Variants in ASPM observed in about 807,000 individuals in gnomAD.
The protein encoded by ASPM is assembly factor for spindle microtubules.
In ASPM, 256 loss-of-function variants were observed where a neutral mutation model predicts 366.4. The ratio of observed to expected loss-of-function variants is 0.70; its 90% CI spans 0.63 to 0.77. The LOEUF (loss-of-function observed/expected upper bound fraction) is 0.77. ASPM is among the 30% of genes least tolerant of loss of function. The probability of loss-of-function intolerance (pLI) is 0.00; values close to 1 mark genes in which losing one functional copy is unlikely to be tolerated. For missense variants in ASPM, 4,146 were observed against 4,090.4 expected, an observed-to-expected ratio of 1.01 and a Z score of -0.37; for synonymous variants, 1,414 against 1,342.9, an observed-to-expected ratio of 1.05 and a Z score of -1.16.
At chr1:197,117,519 A>G (rs1657771693) in intron 17 of ASPM, among the ~76,000 whole-genome samples, 1 of 152,168 alleles carries the variant, frequency 6.6e-6, no homozygotes. Flanking sequence ...GTAGGCCAGC[A>G]TGTCCCACAG....
intron 10 of ASPM, among the ~76,000 whole-genome samples, chr1:197,126,212 G>C (rs191113183): frequency 5.3e-5 from 8 of 152,046 alleles, no homozygotes; most frequent in African/African-American, 1.7e-4. Context: ...AGGCTGAGGT[G>C]GGTGGATCAC....
At chr1:197,114,588 T>A (rs568114080) in intron 17 of ASPM, among the ~76,000 whole-genome samples, 4 of 152,238 alleles carry the variant, frequency 2.6e-5, no homozygotes, top group South Asian at 2.1e-4. Flanking sequence ...CATTTTTTTT[T>A]AAACAGTTAG....
At position 197,128,486 on chromosome 1, in the gene ASPM, G is replaced by A. The variant is rs761883821; in HGVS notation, c.2936+4C>T. 1.2e-5 allele frequency: 19 copies of A among 1,608,228 alleles called. No individual in the cohort carries two copies. The highest frequency in any genetic ancestry group is 2.2e-5 in the South Asian group (2 of 90,952). On this transcript the variant is annotated splice_donor_region_variant and intron_variant, in intron 10 of 27. Coordinates refer to ENST00000367409, the MANE Select transcript of ASPM (RefSeq NM_018136.5). Reference sequence around the variant, plus strand: ...AGCAAAATAATTCTATTTCTTATACGTACACAAGGCGCACTCCACATTGCA... The same window carrying A: ...AGCAAAATAATTCTATTTCTTATACATACACAAGGCGCACTCCACATTGCA...
intron 20 of ASPM, 58 bp downstream of exon 20, chr1:197,094,026 C>A: frequency 9.0e-7 from 1 of 1,115,430 alleles, no homozygotes; most frequent in Non-Finnish European, 1.3e-6. Context: ...ACAAAACATT[C>A]TTTGTTTTCT....
At chr1:197,091,083 G>GT (rs780969773) in intron 22 of ASPM, 42 bp from the exon 23 acceptor site, 2 of 1,469,266 alleles carry the variant, frequency 1.4e-6, no homozygotes, top group Admixed American at 1.7e-5. Flanking sequence ...TCTACTTCAG[G>GT]TTTTTTTAAA....
In ASPM at chr1:197,132,335, G is replaced by C. The variant is rs777371862; in HGVS notation, c.2437C>G (p.Leu813Val). Residue 813 changes from leucine to valine, a missense_variant, in exon 7 of 28, where the codon CTG (leucine) becomes GTG (valine). By Grantham distance (32) the Leu-to-Val change is conservative (BLOSUM62 1). Coordinates refer to ENST00000367409, the MANE Select transcript of ASPM (RefSeq NM_018136.5). Reference protein sequence around the residue: ...WKDVGERQKVLNWLLSYNPLW... With the variant: ...WKDVGERQKVVNWLLSYNPLW... Reference sequence around the variant, plus strand: ...GGATTGTAGGACAACAGCCAATTCAGGACTTTCTGACGTTCTCCTGAAATG... The same window carrying C: ...GGATTGTAGGACAACAGCCAATTCACGACTTTCTGACGTTCTCCTGAAATG... 6.2e-7 allele frequency: 1 copy of C among 1,613,200 alleles called. No individual in the cohort carries two copies. The highest frequency in any genetic ancestry group is 8.5e-7 in the Non-Finnish European group (1 of 1,179,492).
intron 17 of ASPM, among the ~76,000 whole-genome samples, chr1:197,110,102 G>A (rs978039570): frequency 2.0e-5 from 3 of 151,908 alleles, no homozygotes; most frequent in Non-Finnish European, 2.9e-5. Context: ...GAAAGACAAA[G>A]CAACTAGAAA....
rs1658216674 is a variant in ASPM, at chr1:197,130,157, T to A, written c.2488-101A>T. On this transcript the variant is annotated intron_variant, in intron 7 of 27. Coordinates refer to ENST00000367409, the MANE Select transcript of ASPM (RefSeq NM_018136.5). ...ACCATAACCTAAGGAACTGGCAATGTTCTACTTTCTAAATGACATGGTTAT... is the reference window on the plus strand; with the variant it reads ...ACCATAACCTAAGGAACTGGCAATGATCTACTTTCTAAATGACATGGTTAT... 3 of 1,212,824 alleles carry A rather than the reference T, an allele frequency of 2.5e-6. No homozygotes were observed. In the African/African-American group the frequency reaches 4.5e-5, roughly 18 times the overall value. 75.1% of individuals were successfully genotyped at this position (1,212,824 alleles called of 1,614,324 possible). A position where few individuals can be genotyped will look rare whatever the true frequency, so the allele number is the denominator to read the frequency against.
At chr1:197,094,669 T>A (rs1656911892) in intron 19 of ASPM, among the ~76,000 whole-genome samples, 1 of 151,758 alleles carries the variant, frequency 6.6e-6, no homozygotes, top group Non-Finnish European at 1.5e-5. Flanking sequence ...AGTAGAGATA[T>A]TTCGTAAACA....
chr1:197,122,946 T>C (rs973946404), intron 13 of ASPM, among the ~76,000 whole-genome samples: 1 of 152,144 alleles, frequency 6.6e-6, no homozygotes, highest in South Asian at 2.1e-4. Context: ...TCTCGTTATT[T>C]GTGAATATTG....
chr1:197,121,859 A>C, intron 16 of ASPM, 56 bp downstream of exon 16: 1 of 1,539,726 alleles, frequency 6.5e-7, no homozygotes, highest in South Asian at 1.1e-5. Context: ...AAATCAATCA[A>C]CAAATACCTT....
At chr1:197,098,143 A>C (rs938055957) in intron 18 of ASPM, among the ~76,000 whole-genome samples, 40 of 150,576 alleles carry the variant, frequency 2.7e-4, no homozygotes, top group African/African-American at 9.2e-4. Flanking sequence ...GGGTTGAGAG[A>C]AGAAACAAAG....
intron 4 of ASPM, 132 bp from the exon 5 acceptor site, chr1:197,135,374 G>A: frequency 1.1e-6 from 1 of 921,180 alleles, no homozygotes; most frequent in Non-Finnish European, 1.7e-6. Flanking sequence ...ACTACTTGCA[G>A]GAAAGAGCTG....
Position 197,142,860 on chromosome 1 carries a change from AAAACTGT to A in ASPM, c.1385_1391del (p.Tyr462LeufsTer2). 1 of 1,613,424 alleles carries A rather than the reference AAAACTGT, an allele frequency of 6.2e-7. No homozygotes were observed. The highest frequency in any genetic ancestry group is 8.5e-7 in the Non-Finnish European group (1 of 1,179,450). On this transcript the variant is annotated frameshift_variant, in exon 3 of 28. Coordinates refer to ENST00000367409, the MANE Select transcript of ASPM (RefSeq NM_018136.5). LOFTEE classifies it high-confidence loss of function. ...AAAATTTAGGATTATTTTGTTTTATAAAACTGTAGTAATTTGACTTCATTTCTACTAG... is the reference window on the plus strand; with the variant it reads ...AAAATTTAGGATTATTTTGTTTTATAAGTAATTTGACTTCATTTCTACTAG...
At position 197,100,833 on chromosome 1, in the gene ASPM, T is replaced by G. The variant is rs1372242611; in HGVS notation, c.8418A>C (p.Ser2806=). Reference sequence around the variant, plus strand: ...TTTGAGAATGATACTCTGCTTCCTGTGAACAAGCAAGGCCAGAAGCTTTAT... The same window carrying G: ...TTTGAGAATGATACTCTGCTTCCTGGGAACAAGCAAGGCCAGAAGCTTTAT... The part of the protein sequence containing the change: ...EWYKASGLAC[S]QEAEYHSQSR... The change falls in exon 18 of 28, where the codon TCA becomes TCC. Residue 2806 remains serine, a synonymous_variant. Coordinates refer to ENST00000367409, the MANE Select transcript of ASPM (RefSeq NM_018136.5). The G allele has an allele frequency of 6.2e-7, 1 of 1,612,520 alleles. No individual in the cohort carries two copies. Among genetic ancestry groups the G allele is most frequent in the Non-Finnish European group, 8.5e-7 (1 of 1,179,124 alleles).
rs756489119 is a variant in ASPM, at chr1:197,142,693, C to T, written c.1559G>A (p.Cys520Tyr). 31 of 1,613,784 alleles carry T rather than the reference C, an allele frequency of 1.9e-5. No individual in the cohort carries two copies. The South Asian group carries it at 3.4e-4, about 18-fold the overall frequency. Reference protein sequence around the residue: ...TEINKPKAKRCLNSAVGEHEK... With the variant: ...TEINKPKAKRYLNSAVGEHEK... ...ATGTTCACCCACTGCACTGTTGAGA[C>T]ATCTTTTTGCTTTTGGTTTATTAAT... The change falls in exon 3 of 28, where the codon TGT (cysteine) becomes TAT (tyrosine). Residue 520 changes from cysteine to tyrosine, a missense_variant. This residue lies in a region of ASPM where 3,624 missense variants were observed against 3,591.7 expected (regional missense o/e 1.01). Transcript: ENST00000367409.
Position 197,089,977 on chromosome 1 carries a change from T to C in ASPM, c.9937A>G (p.Met3313Val). The stretch of plus-strand genomic sequence containing the variant: ...TGCACAGCATATCTGATGACTTCCA[T>C]ACAAGGAATACTGCGATTACAACTT... ...IRSCNRSIPC[M>V]EVIRYAVQVL... The change falls in exon 25 of 28, where the codon ATG becomes GTG. Residue 3313 changes from methionine to valine, a missense_variant. By Grantham distance (21) the Met-to-Val change is conservative (BLOSUM62 1). This residue lies in a region of ASPM where 3,624 missense variants were observed against 3,591.7 expected (regional missense o/e 1.01). Transcript: ENST00000367409. The C allele has an allele frequency of 6.2e-7, 1 of 1,613,288 alleles. No individual in the cohort carries two copies. Among genetic ancestry groups the C allele is most frequent in the Non-Finnish European group, 8.5e-7 (1 of 1,179,568 alleles).
rs750476820 is a variant in ASPM, at chr1:197,104,502, C to T, written c.4749G>A (p.Lys1583=). ...GTGCCTGAAATTTGATAATAGTCTT[C>T]TTAAGGTTTAAAAATCGAACTCTGT... ...RQDRVRFLNL[K]KTIIKFQAHV... The change falls in exon 18 of 28, where the codon AAG becomes AAA. Residue 1583 remains lysine, a synonymous_variant. Coordinates refer to ENST00000367409, the MANE Select transcript of ASPM (RefSeq NM_018136.5). 4 of 1,612,474 alleles carry T rather than the reference C, an allele frequency of 2.5e-6. No homozygotes were observed. The highest frequency in any genetic ancestry group is 1.7e-4 in the Middle Eastern group (1 of 6,052).
intron 4 of ASPM, among the ~76,000 whole-genome samples, chr1:197,135,469 A>G (rs1320356021): frequency 6.6e-6 from 1 of 152,226 alleles, no homozygotes; most frequent in Non-Finnish European, 1.5e-5. Flanking sequence ...CTAAACCACC[A>G]TGAATCAACT....
Sources: allele counts gnomAD v4.1 joint callset (sites outside exome capture counted in the v4.1 genomes callset), GRCh38; gene constraint gnomAD v4.1.1; regional missense constraint gnomAD v4.1.1; transcripts MANE v1.5; gene names NCBI Gene and HGNC (gene_info 2026-07-23, HGNC 2026-07-21).